Variants in RDX observed in about 807,000 individuals in gnomAD.
RDX encodes the protein deafness, autosomal recessive 24.
RDX carries 32 observed loss-of-function variants against 83.7 expected under a neutral mutation model. That is an observed-to-expected ratio of 0.38 (90% CI 0.29 to 0.51). RDX has a LOEUF of 0.51. RDX is among the 20% of genes least tolerant of loss of function. The probability of loss-of-function intolerance (pLI) is 0.87; values close to 1 mark genes in which losing one functional copy is unlikely to be tolerated. For synonymous variants in RDX, 229 were observed against 222.7 expected, an observed-to-expected ratio of 1.03 and a Z score of -0.25; for missense variants, 600 against 689.9, an observed-to-expected ratio of 0.87 and a Z score of 1.46.
intron 1 of RDX, among the ~76,000 whole-genome samples, chr11:110,293,908 C>T (rs1861342580): frequency 6.6e-6 from 1 of 152,094 alleles, no homozygotes; most frequent in East Asian, 1.9e-4. Flanking sequence ...CGTTTTTAAA[C>T]ATTAGTAGCA....
At chr11:110,182,898 T>C (rs551234565) in intron 15 of RDX, among the ~76,000 whole-genome samples, 3 of 152,290 alleles carry the variant, frequency 2.0e-5, no homozygotes, top group South Asian at 4.2e-4. Context: ...AAAATATCTA[T>C]GTTACAGAGA....
At chr11:110,211,777 T>C (rs1173368253) in intron 14 of RDX, among the ~76,000 whole-genome samples, 1 of 151,422 alleles carries the variant, frequency 6.6e-6, no homozygotes. Context: ...AGATGTTCTT[T>C]GAAACCAACG....
chr11:110,217,029 GAC>G (rs1864079766), intron 14 of RDX, among the ~76,000 whole-genome samples: 2 of 152,304 alleles, frequency 1.3e-5, no homozygotes, highest in African/African-American at 2.4e-5. Context: ...CTCCTGACGA[GAC>G]ACAGTCCCCA....
intron 1 of RDX, among the ~76,000 whole-genome samples, chr11:110,282,160 G>C (rs1342215088): frequency 6.6e-6 from 1 of 152,088 alleles, no homozygotes; most frequent in Non-Finnish European, 1.5e-5. Flanking sequence ...ACATTTCATA[G>C]AACAATTTTA....
chr11:110,220,878 TAAA>T (rs386374875), intron 14 of RDX, among the ~76,000 whole-genome samples: 4 of 109,328 alleles, frequency 3.7e-5, no homozygotes, highest in Admixed American at 1.0e-4. Flanking sequence ...ACAGCCTCTG[TAAA>T]AAAAAAAAAA....
chr11:110,201,903 T>TTGTGTGTGTGTGTG lies in RDX; in HGVS notation c.1749-2239_1749-2226dup, dbSNP rs141731309. Among the ~76,000 whole-genome samples, 565 of 137,278 alleles carry TTGTGTGTGTGTGTG rather than the reference T, an allele frequency of 4.1e-3. 4 individuals carry two copies. The highest frequency in any genetic ancestry group is 6.2e-3 in the Non-Finnish European group (395 of 63,522). 90.1% of individuals were successfully genotyped at this position (137,278 alleles called of 152,430 possible). A position where few individuals can be genotyped will look rare whatever the true frequency, so the allele number is the denominator to read the frequency against. The stretch of plus-strand genomic sequence containing the variant: ...CACATGCCACCACATCCGGCTAATT[T>TTGTGTGTGTGTGTG]TGTGTGTGTGTGTGTGTGTGTGTGT... On this transcript the variant is annotated intron_variant, in intron 14 of 15. Transcript: ENST00000528498.
chr11:110,225,417 AAAAT>A (rs1322546809), downstream of RDX, among the ~76,000 whole-genome samples: 2 of 152,232 alleles, frequency 1.3e-5, no homozygotes, highest in African/African-American at 4.8e-5. Flanking sequence ...CTACAACAGA[AAAAT>A]AAACAATTTT....
chr11:110,246,546 G>A (rs1591147427), intron 10 of RDX, among the ~76,000 whole-genome samples: 2 of 151,758 alleles, frequency 1.3e-5, no homozygotes, highest in Non-Finnish European at 2.9e-5. Context: ...AGGCCGACGC[G>A]GGTGGATCAC....
chr11:110,266,592 G>C (rs1005518440), intron 3 of RDX, among the ~76,000 whole-genome samples: 1 of 151,580 alleles, frequency 6.6e-6, no homozygotes, highest in Non-Finnish European at 1.5e-5. Context: ...TTTAAAGACA[G>C]GGTCTCACTC....
downstream of RDX, among the ~76,000 whole-genome samples, chr11:110,228,048 A>G (rs1864488937): frequency 6.6e-6 from 1 of 152,128 alleles, no homozygotes; most frequent in Admixed American, 6.5e-5. Context: ...TGAACCATAC[A>G]GCCATGATCT....
At chr11:110,179,903 C>CT (rs528601645) in intron 15 of RDX, 82,135 of 359,170 alleles carry the variant, frequency 0.23, 4,748 homozygotes, top group East Asian at 0.3. Context: ...TTTCTTTTTT[C>CT]TTTTTTTTTT....
At chr11:110,268,815 C>A (rs1303665708) in intron 3 of RDX, among the ~76,000 whole-genome samples, 1 of 151,752 alleles carries the variant, frequency 6.6e-6, no homozygotes, top group South Asian at 2.1e-4. Context: ...GTCCTTTAAG[C>A]TCCCATAAAC....
chr11:110,202,948 G>C (rs1195113582), intron 14 of RDX, among the ~76,000 whole-genome samples: 2 of 152,032 alleles, frequency 1.3e-5, no homozygotes, highest in Non-Finnish European at 2.9e-5. Context: ...CTGTAAATTA[G>C]TACAACCACT....
intron 15 of RDX, among the ~76,000 whole-genome samples, chr11:110,186,356 A>T (rs1862986739): frequency 6.6e-6 from 1 of 152,072 alleles, no homozygotes; most frequent in African/African-American, 2.4e-5. Flanking sequence ...AAAGATTTTG[A>T]CTAGGTGGTG....
At chr11:110,216,884 G>A (rs1010487813) in intron 14 of RDX, among the ~76,000 whole-genome samples, 2 of 152,114 alleles carry the variant, frequency 1.3e-5, no homozygotes, top group African/African-American at 4.8e-5. Flanking sequence ...TAGTATATTT[G>A]AATGTTTTTC....
intron 15 of RDX, chr11:110,185,045 G>A (rs1862960481): frequency 6.6e-6 from 1 of 152,100 alleles, no homozygotes; most frequent in South Asian, 2.1e-4. Context: ...ACACTTCAAT[G>A]ACAAGTCATT....
chr11:110,264,297 CA>C (rs1859932524), intron 4 of RDX, 63 bp from the exon 5 acceptor site: 1 of 1,134,896 alleles, frequency 8.8e-7, no homozygotes, highest in African/African-American at 1.6e-5. Flanking sequence ...TAGACCTAGT[CA>C]CATCAAATTC....
intron 5 of RDX, among the ~76,000 whole-genome samples, chr11:110,260,368 C>A (rs1428013140): frequency 6.6e-6 from 1 of 152,174 alleles, no homozygotes; most frequent in East Asian, 1.9e-4. Context: ...CTCTTGGTAC[C>A]ATTTGGCAGT....
At chr11:110,282,186 C>A (rs185227072) in intron 1 of RDX, among the ~76,000 whole-genome samples, 1 of 152,162 alleles carries the variant, frequency 6.6e-6, no homozygotes, top group Non-Finnish European at 1.5e-5. Flanking sequence ...ATTCTTCACA[C>A]ATATATAAGA....
Sources: allele counts gnomAD v4.1 joint callset (sites outside exome capture counted in the v4.1 genomes callset), GRCh38; gene constraint gnomAD v4.1.1; transcripts MANE v1.5; gene names NCBI Gene and HGNC (gene_info 2026-07-23, HGNC 2026-07-21).